Variants in KIF6 observed in about 807,000 individuals in gnomAD.
KIF6 encodes kinesin family member 6, also known as kinesin-like protein KIF6.
In KIF6, 106 loss-of-function variants were observed where a neutral mutation model predicts 112.7. That is an observed-to-expected ratio of 0.94 (90% confidence interval 0.80 to 1.11). The LOEUF is 1.11. Ranked by LOEUF, KIF6 falls within the 50% of genes least tolerant of loss-of-function variation. The pLI is 0.00. For missense variants in KIF6, 929 were observed against 964.0 expected (o/e 0.96, Z 0.48); for synonymous variants, 339 against 339.9 (o/e 1.00, Z 0.03).
chr6:39,539,622 C>T (rs758182412), intron 13 of KIF6, among the ~76,000 whole-genome samples: 23 of 152,198 alleles, frequency 1.5e-4, no homozygotes, highest in African/African-American at 3.1e-4. Flanking sequence ...GGATTCCAGG[C>T]GTGAGCCACC....
intron 13 of KIF6, among the ~76,000 whole-genome samples, chr6:39,443,156 T>C (rs932474831): frequency 8.8e-6 from 1 of 113,090 alleles, no homozygotes; most frequent in Non-Finnish European, 1.8e-5. Context: ...ATAATAATAA[T>C]AATAAATAAA....
At chr6:39,700,777 G>A (rs539445745) in intron 3 of KIF6, among the ~76,000 whole-genome samples, 14 of 151,246 alleles carry the variant, frequency 9.3e-5, no homozygotes, top group East Asian at 5.9e-4. Flanking sequence ...GCAGTGGCAC[G>A]ATCTCGGCTC....
chr6:39,642,574 T>C (rs1461398345), intron 3 of KIF6, among the ~76,000 whole-genome samples: 1 of 152,072 alleles, frequency 6.6e-6, no homozygotes, highest in East Asian at 1.9e-4. Context: ...TAGACCTGAT[T>C]CAGAGTTCAC....
chr6:39,350,749 A>G (rs1764178770), intron 19 of KIF6, among the ~76,000 whole-genome samples: 1 of 152,126 alleles, frequency 6.6e-6, no homozygotes, highest in South Asian at 2.1e-4. Context: ...AGTGGCAAGG[A>G]TTTCTTTGTC....
At chr6:39,653,835 G>C (rs1417971548) in intron 3 of KIF6, among the ~76,000 whole-genome samples, 1 of 152,078 alleles carries the variant, frequency 6.6e-6, no homozygotes, top group East Asian at 1.9e-4. Flanking sequence ...TAGTTTCATA[G>C]ACTTCTCTGG....
chr6:39,483,454 A>C (rs1468666908), intron 13 of KIF6, among the ~76,000 whole-genome samples: 1 of 152,206 alleles, frequency 6.6e-6, no homozygotes, highest in African/African-American at 2.4e-5. Context: ...ACTTTTAAAA[A>C]GATTTCCCAC....
At chr6:39,344,148 T>C (rs1004215545) in intron 21 of KIF6, among the ~76,000 whole-genome samples, 1 of 152,176 alleles carries the variant, frequency 6.6e-6, no homozygotes, top group African/African-American at 2.4e-5. Flanking sequence ...GACGGTTTCC[T>C]CCATACTGTT....
intron 14 of KIF6, among the ~76,000 whole-genome samples, chr6:39,425,225 C>A (rs995384831): frequency 6.6e-6 from 1 of 152,194 alleles, no homozygotes; most frequent in African/African-American, 2.4e-5. Flanking sequence ...TGTTTGAGGG[C>A]AAAGGGTTCC....
chr6:39,432,005 C>G (rs371986313), intron 13 of KIF6, among the ~76,000 whole-genome samples: 1 of 151,846 alleles, frequency 6.6e-6, no homozygotes, highest in Non-Finnish European at 1.5e-5. Context: ...GCCTGGGAGG[C>G]CTTTTCTCAT....
chr6:39,342,607 TTTTATTTTTTTTTATTTTTTTTTA>T lies in KIF6; in HGVS notation c.2428+1078_2428+1101del, dbSNP rs1489064329. 6.1e-5 allele frequency among the ~76,000 whole-genome samples: 7 copies of T among 115,350 alleles called. No individual in the cohort carries two copies. Among genetic ancestry groups the T allele is most frequent in the African/African-American group, 3.1e-4 (7 of 22,600 alleles). The allele number at this position is 115,350 out of a possible 152,430, so 75.7% of individuals were successfully genotyped here. ...TCACTGAATCCAGTTTTTTATTTTTTTTTATTTTTTTTTATTTTTTTTTATTTTTAGACAAGGAAACTGAGAATG... is the reference window on the plus strand; with the variant it reads ...TCACTGAATCCAGTTTTTTATTTTTTTTTTTAGACAAGGAAACTGAGAATG... On this transcript the variant is annotated intron_variant, in intron 22 of 22. Transcript: ENST00000287152. The surrounding 1 kb of genome is among the most constrained non-coding windows in gnomAD (Gnocchi z 4.7).
chr6:39,669,461 G>A lies in KIF6; in HGVS notation c.252-29704C>T, dbSNP rs149579406. 5.6e-3 allele frequency among the ~76,000 whole-genome samples: 860 copies of A among 152,322 alleles called. 8 individuals carry two copies. The highest frequency in any genetic ancestry group is 0.02 in the African/African-American group (820 of 41,570). ...CCTGCATAATTCATCTAAGTTTCAC[G>A]TCTTTGAGGTGGTGAATCATTTCCT... On this transcript the variant is annotated intron_variant, in intron 3 of 22. Coordinates refer to ENST00000287152, the MANE Select transcript of KIF6 (RefSeq NM_145027.6).
intron 13 of KIF6, among the ~76,000 whole-genome samples, chr6:39,432,262 G>A (rs1327389975): frequency 6.6e-6 from 1 of 152,174 alleles, no homozygotes; most frequent in Admixed American, 6.5e-5. Context: ...AAGGTGCTCA[G>A]CATACATCTG....
At chr6:39,551,747 A>T (rs1466105174) in intron 10 of KIF6, among the ~76,000 whole-genome samples, 1 of 152,230 alleles carries the variant, frequency 6.6e-6, no homozygotes, top group Non-Finnish European at 1.5e-5. Context: ...CAATTTAAAA[A>T]ATTGACTGTG....
chr6:39,610,794 T>C (rs990458107), intron 6 of KIF6, among the ~76,000 whole-genome samples: 6 of 152,176 alleles, frequency 3.9e-5, no homozygotes, highest in African/African-American at 1.4e-4. Context: ...CAGGCTGTCA[T>C]TGTAACATGG....
rs944959766 is a variant in KIF6, at chr6:39,431,624, A to G, written c.1646-463T>C. 4.6e-5 allele frequency among the ~76,000 whole-genome samples: 7 copies of G among 152,226 alleles called. No individual in the cohort carries two copies. The South Asian group carries it at 8.3e-4, about 18-fold the overall frequency. ...AGAAAATTCTGCTCTTAGTCTCTGTATAACAATTCATTCTTGTTTCCTGTG... is the reference window on the plus strand; with the variant it reads ...AGAAAATTCTGCTCTTAGTCTCTGTGTAACAATTCATTCTTGTTTCCTGTG... On this transcript the variant is annotated intron_variant, in intron 13 of 22. Coordinates refer to ENST00000287152, the MANE Select transcript of KIF6 (RefSeq NM_145027.6).
chr6:39,698,912 C>T (rs1431898118), intron 3 of KIF6, among the ~76,000 whole-genome samples: 1 of 152,148 alleles, frequency 6.6e-6, no homozygotes, highest in Non-Finnish European at 1.5e-5. Flanking sequence ...TAGCTGTAAA[C>T]AATTTGAGGA....
At chr6:39,594,241 T>G (rs1782114602) in intron 7 of KIF6, among the ~76,000 whole-genome samples, 1 of 151,896 alleles carries the variant, frequency 6.6e-6, no homozygotes, top group Admixed American at 6.6e-5. Context: ...GGCAGAACAT[T>G]TCTCTTGAGT....
At chr6:39,521,329 C>T (rs1582039323) in intron 13 of KIF6, among the ~76,000 whole-genome samples, 1 of 152,144 alleles carries the variant, frequency 6.6e-6, no homozygotes, top group Non-Finnish European at 1.5e-5. Context: ...TGTATGTTAC[C>T]TCTAGAGTGG....
intron 12 of KIF6, among the ~76,000 whole-genome samples, chr6:39,543,608 T>C (rs1042479909): frequency 1.1e-4 from 13 of 117,034 alleles, no homozygotes; most frequent in Admixed American, 1.6e-4. Flanking sequence ...CTAAAGCATC[T>C]TTTGGTAATT....
Sources: gnomAD v4.1 joint callset for allele counts (sites outside exome capture counted in the v4.1 genomes callset) on GRCh38, gnomAD v4.1.1 for gene constraint, Gnocchi (gnomAD v3.1) non-coding constraint, MANE v1.5 for transcripts, NCBI Gene and HGNC (gene_info 2026-07-23, HGNC 2026-07-21) for gene names.